Variants in RAB11FIP5 observed in about 807,000 individuals in gnomAD.
The protein encoded by RAB11FIP5 is rab11 family-interacting protein 5.
Under a neutral mutation model 85.1 loss-of-function variants are expected in RAB11FIP5, and 48 were observed. The observed-to-expected ratio is 0.56, with a 90% CI of 0.45 to 0.72. The LOEUF is 0.72. RAB11FIP5 is among the 30% of genes least tolerant of loss of function. RAB11FIP5 has a pLI of 0.00. For missense variants in RAB11FIP5, 1,491 were observed against 1,687.0 expected (o/e 0.88, Z 2.04); for synonymous variants, 729 against 727.3 (o/e 1.00, Z -0.04).
rs972651970 is a variant in RAB11FIP5, at chr2:73,081,094, C to A, written c.2138G>T (p.Arg713Ile). ...CTCCAGCCACACGCTGCTCCCACCT[C>A]TTCCTCCTCCTCCTCCTCCTCCTCC... is the stretch of plus-strand genomic sequence containing the variant. ...GGGGGGGGGG[R>I]GGSSVWLEPR... is the part of the protein sequence containing the mutation. Residue 713 changes from arginine (R) to isoleucine (I), a missense_variant, in exon 4 of 6, where the codon AGA becomes ATA. Arg to Ile is a moderately conservative substitution (Grantham distance 97). Around this residue, in one of 3 missense-constraint regions of RAB11FIP5, gnomAD observed 1,211 missense variants for 1,338.0 expected, o/e 0.91. Coordinates refer to ENST00000486777, the MANE Select transcript of RAB11FIP5 (RefSeq NM_001371272.1). This position sits in a 1 kb window ranked among gnomAD's most constrained non-coding sequence, Gnocchi z 4.2. The A allele has an allele frequency of 8.2e-7, 1 of 1,215,322 alleles. No homozygotes were observed. The highest frequency in any genetic ancestry group is 4.2e-5 in the South Asian group (1 of 23,936). 75.3% of individuals were successfully genotyped at this position (1,215,322 alleles called of 1,614,324 possible). A position where few individuals can be genotyped will look rare whatever the true frequency, so the allele number is the denominator to read the frequency against.
chr2:73,079,986 CG>C lies in RAB11FIP5; in HGVS notation c.3245del (p.Pro1082ArgfsTer53). 1 of 1,232,134 alleles carries C rather than the reference CG, an allele frequency of 8.1e-7. No individual in the cohort carries two copies. Among genetic ancestry groups the C allele is most frequent in the Non-Finnish European group, 1.0e-6 (1 of 988,018 alleles). The allele number at this position is 1,232,134 out of a possible 1,614,324, so 76.3% of individuals were successfully genotyped here. On this transcript the variant is annotated frameshift_variant, in exon 4 of 6. Coordinates refer to ENST00000486777, the MANE Select transcript of RAB11FIP5 (RefSeq NM_001371272.1). LOFTEE classifies it high-confidence loss of function. ...GAATAGAAGATTCCCTCGACCCTGGCGGGGATGCAGATGAGAGGCTGGGAGG... is the reference window on the plus strand; with the variant it reads ...GAATAGAAGATTCCCTCGACCCTGGCGGGATGCAGATGAGAGGCTGGGAGG... ...RDPPSLSSAS[P>X]PGSRESSIHS... is the part of the protein sequence containing the mutation.
intron 1 of RAB11FIP5, among the ~76,000 whole-genome samples, chr2:73,096,982 C>T (rs1684331038): frequency 6.6e-6 from 1 of 152,210 alleles, no homozygotes; most frequent in Admixed American, 6.5e-5. Flanking sequence ...TCTGTTCATC[C>T]AAGCCTCCTC....
At chr2:73,082,464 T>C (rs6709269) in intron 3 of RAB11FIP5, among the ~76,000 whole-genome samples, 12,022 of 152,268 alleles carry the variant, frequency 0.079, 1,317 homozygotes, top group African/African-American at 0.25. Context: ...CTGGGTTCTA[T>C]TGATCCCTTG....
At position 73,075,168 on chromosome 2, in the gene RAB11FIP5, G is replaced by A. The variant is rs1683826907; in HGVS notation, c.*353C>T. 1.8e-6 allele frequency: 1 copy of A among 552,932 alleles called. No individual in the cohort carries two copies. Among genetic ancestry groups the A allele is most frequent in the Admixed American group, 2.3e-5 (1 of 44,332 alleles). The allele number at this position is 552,932 out of a possible 1,614,324, so 34.3% of individuals were successfully genotyped here. Reference sequence around the variant, plus strand: ...ATCCTTGGGGGATAATAAAGTATGTGCTAGCAACCAGTCTTGTCCCAGATT... The same window carrying A: ...ATCCTTGGGGGATAATAAAGTATGTACTAGCAACCAGTCTTGTCCCAGATT... On this transcript the variant is annotated 3_prime_UTR_variant, in exon 6 of 6. Coordinates refer to ENST00000486777, the MANE Select transcript of RAB11FIP5 (RefSeq NM_001371272.1). The surrounding 1 kb of genome is among the most constrained non-coding windows in gnomAD (Gnocchi z 4.6).
intron 1 of RAB11FIP5, among the ~76,000 whole-genome samples, chr2:73,110,417 A>G (rs940295296): frequency 1.3e-5 from 2 of 152,158 alleles, no homozygotes; most frequent in Admixed American, 6.5e-5. Flanking sequence ...AGTAAACTAG[A>G]GCACCAGGCC....
intron 1 of RAB11FIP5, among the ~76,000 whole-genome samples, chr2:73,106,637 C>T (rs1041777026): frequency 8.5e-5 from 13 of 152,236 alleles, no homozygotes; most frequent in East Asian, 1.9e-4. Context: ...ACAGAAACTC[C>T]GGGGTGCACA....
Position 73,089,381 on chromosome 2 carries a change from C to T in RAB11FIP5, c.432-66G>A. The T allele has an allele frequency of 6.6e-7, 1 of 1,510,496 alleles. No individual in the cohort carries two copies. Among genetic ancestry groups the T allele is most frequent in the Non-Finnish European group, 9.1e-7 (1 of 1,096,034 alleles). 93.6% of individuals were successfully genotyped at this position (1,510,496 alleles called of 1,614,324 possible). The stretch of plus-strand genomic sequence containing the variant: ...CAGGGAGCCTGGCTCCCGCCCGGTA[C>T]CAGGCACTGCCCAGACCCCTCCTTG... On this transcript the variant is annotated intron_variant, in intron 1 of 5. Transcript: ENST00000486777. This position sits in a 1 kb window ranked among gnomAD's most constrained non-coding sequence, Gnocchi z 4.6.
chr2:73,084,811 C>T (rs1370770322), intron 3 of RAB11FIP5, among the ~76,000 whole-genome samples: 1 of 152,222 alleles, frequency 6.6e-6, no homozygotes, highest in African/African-American at 2.4e-5. Flanking sequence ...ACCAGGCAAT[C>T]CCCCAAAGGC....
At position 73,080,047 on chromosome 2, in the gene RAB11FIP5, G is replaced by A; in HGVS notation, c.3185C>T (p.Ala1062Val). The A allele has an allele frequency of 8.1e-7, 1 of 1,232,238 alleles. No individual in the cohort carries two copies. The highest frequency in any genetic ancestry group is 1.0e-6 in the Non-Finnish European group (1 of 988,058). The allele number at this position is 1,232,238 out of a possible 1,614,324, so 76.3% of individuals were successfully genotyped here. A position where few individuals can be genotyped will look rare whatever the true frequency, so the allele number is the denominator to read the frequency against. ...CCCCTGAAACAAGAAGGGGTTCAAG[G>A]CATCTTCCTTGGAGACCCACACATC... ...QADVWVSKED[A>V]LNPFLFQGSR... The change falls in exon 4 of 6, where the codon GCC becomes GTC. Residue 1062 changes from alanine (A) to valine (V), a missense_variant. Ala to Val is a moderately conservative substitution (Grantham distance 64). Around this residue, in one of 3 missense-constraint regions of RAB11FIP5, gnomAD observed 48 missense variants for 89.9 expected, o/e 0.53. Coordinates refer to ENST00000486777, the MANE Select transcript of RAB11FIP5 (RefSeq NM_001371272.1).
Position 73,081,675 on chromosome 2 carries a change from G to A in RAB11FIP5, c.1569-12C>T. ...GAGACACGTCCAGGCTGTGGAGGGA[G>A]ACAAAACCGTGAGCCTCCTGGTTAA... On this transcript the variant is annotated splice_polypyrimidine_tract_variant and intron_variant, in intron 3 of 5. Coordinates refer to ENST00000486777, the MANE Select transcript of RAB11FIP5 (RefSeq NM_001371272.1). This position sits in a 1 kb window ranked among gnomAD's most constrained non-coding sequence, Gnocchi z 4.2. 8.1e-7 allele frequency: 1 copy of A among 1,231,984 alleles called. No homozygotes were observed. The highest frequency in any genetic ancestry group is 4.1e-5 in the South Asian group (1 of 24,340). The allele number at this position is 1,231,984 out of a possible 1,614,324, so 76.3% of individuals were successfully genotyped here.
At chr2:73,082,822 G>C (rs759150057) in intron 3 of RAB11FIP5, among the ~76,000 whole-genome samples, 1 of 152,176 alleles carries the variant, frequency 6.6e-6, no homozygotes, top group Admixed American at 6.5e-5. Context: ...CCAGAGATGC[G>C]GGCAGGGGCG....
At chr2:73,077,311 C>T (rs987536978) in intron 4 of RAB11FIP5, among the ~76,000 whole-genome samples, 1 of 152,216 alleles carries the variant, frequency 6.6e-6, no homozygotes, top group African/African-American at 2.4e-5. Flanking sequence ...GGTCCTCTGG[C>T]TCATCCTCTT....
Position 73,086,049 on chromosome 2 carries a change from A to C in RAB11FIP5, c.1568+2001T>G, listed in dbSNP as rs908895133. Among the ~76,000 whole-genome samples, 6 of 152,160 alleles carry C rather than the reference A, an allele frequency of 3.9e-5. No homozygotes were observed. Among genetic ancestry groups the C allele is most frequent in the Non-Finnish European group, 8.8e-5 (6 of 68,012 alleles). ...GCAAGCCCTCTGGGGAAGCGCCAAC[A>C]GTCCTTTCTTCCAGGCCAGCCTTCC... On this transcript the variant is annotated intron_variant, in intron 3 of 5. Transcript: ENST00000486777. The surrounding 1 kb of genome is among the most constrained non-coding windows in gnomAD (Gnocchi z 4.4).
In RAB11FIP5 at chr2:73,089,345, A is replaced by G; in HGVS notation, c.432-30T>C. The G allele has an allele frequency of 6.2e-7, 1 of 1,608,090 alleles. No homozygotes were observed. The highest frequency in any genetic ancestry group is 8.5e-7 in the Non-Finnish European group (1 of 1,178,842). On this transcript the variant is annotated intron_variant, in intron 1 of 5. Coordinates refer to ENST00000486777, the MANE Select transcript of RAB11FIP5 (RefSeq NM_001371272.1). This position sits in a 1 kb window ranked among gnomAD's most constrained non-coding sequence, Gnocchi z 4.6. Reference sequence around the variant, plus strand: ...GAGAAGAGGGGAGCAGGCAGAACTCAGTCACGGGCCCAGGGAGCCTGGCTC... The same window carrying G: ...GAGAAGAGGGGAGCAGGCAGAACTCGGTCACGGGCCCAGGGAGCCTGGCTC...
chr2:73,093,035 C>G (rs1441947581), intron 1 of RAB11FIP5, among the ~76,000 whole-genome samples: 2 of 152,206 alleles, frequency 1.3e-5, no homozygotes, highest in Non-Finnish European at 2.9e-5. Flanking sequence ...GACCAGACAG[C>G]CCCACAGACC....
rs1684129395 is a variant in RAB11FIP5, at chr2:73,088,234, T to C, written c.1384A>G (p.Met462Val). Residue 462 changes from methionine to valine, a missense_variant, in exon 3 of 6, where the codon ATG (methionine) becomes GTG (valine). Around this residue, in one of 3 missense-constraint regions of RAB11FIP5, gnomAD observed 1,211 missense variants for 1,338.0 expected, o/e 0.91. Transcript: ENST00000486777. ...GARKEERKPR[M>V]GLFHHHHQGL... ...TGGTGGTGGTGGTGGAAGAGACCCA[T>C]CCGGGGCTTGCGTTCCTCCTTCCGG... 1 of 1,613,874 alleles carries C rather than the reference T, an allele frequency of 6.2e-7. No homozygotes were observed. Among genetic ancestry groups the C allele is most frequent in the Non-Finnish European group, 8.5e-7 (1 of 1,180,016 alleles).
chr2:73,103,031 C>T (rs1558523459), intron 1 of RAB11FIP5, among the ~76,000 whole-genome samples: 1 of 152,184 alleles, frequency 6.6e-6, no homozygotes, highest in Non-Finnish European at 1.5e-5. Flanking sequence ...CTCCAAGTGC[C>T]CACCACAGCA....
At chr2:73,093,098 AG>A (rs1331625330) in intron 1 of RAB11FIP5, among the ~76,000 whole-genome samples, 2 of 152,196 alleles carry the variant, frequency 1.3e-5, no homozygotes, top group African/African-American at 4.8e-5. Flanking sequence ...AACACTGTCG[AG>A]GGGGGCTGAG....
chr2:73,080,167 G>A lies in RAB11FIP5; in HGVS notation c.3065C>T (p.Pro1022Leu), dbSNP rs1683944186. The change falls in exon 4 of 6, where the codon CCA becomes CTA. Residue 1022 changes from proline to leucine, a missense_variant. This residue lies in a region of RAB11FIP5 where 1,211 missense variants were observed against 1,338.0 expected (regional missense o/e 0.91). Transcript: ENST00000486777. ...AGCCTCAGGGCCTTCTCCAACCTCT[G>A]GAGTCCCCCAGATGTGCTGACTCTG... is the stretch of plus-strand genomic sequence containing the variant. ...ALQSQHIWGT[P>L]EVGEGPEAPE... 2.4e-6 allele frequency: 3 copies of A among 1,232,160 alleles called. No homozygotes were observed. The highest frequency in any genetic ancestry group is 3.2e-5 in the East Asian group (1 of 31,692). The allele number at this position is 1,232,160 out of a possible 1,614,324, so 76.3% of individuals were successfully genotyped here.
Sources: gnomAD v4.1 joint callset for allele counts (sites outside exome capture counted in the v4.1 genomes callset) on GRCh38, gnomAD v4.1.1 for gene constraint, gnomAD v4.1.1 regional missense constraint, Gnocchi (gnomAD v3.1) non-coding constraint, MANE v1.5 for transcripts, NCBI Gene and HGNC (gene_info 2026-07-23, HGNC 2026-07-21) for gene names.